AGBL1: variants seen among roughly 807,000 people sequenced by gnomAD.
AGBL1 encodes AGBL carboxypeptidase 1.
A neutral mutation model predicts 118.9 loss-of-function variants in AGBL1; 130 were observed. The observed-to-expected ratio is 1.09, with a 90% CI of 0.95 to 1.26. The LOEUF is 1.26. Ranked by LOEUF, AGBL1 falls within the 50% of genes most tolerant of loss-of-function variation. The pLI is 0.00. For missense variants in AGBL1, 1,584 were observed against 1,298.1 expected, an observed-to-expected ratio of 1.22 and a Z score of -3.38; for synonymous variants, 555 against 478.9, an observed-to-expected ratio of 1.16 and a Z score of -2.08.
chr15:86,253,001 A>G (rs1009198051), intron 7 of AGBL1, among the ~76,000 whole-genome samples: 2 of 152,156 alleles, frequency 1.3e-5, no homozygotes, highest in Admixed American at 6.5e-5. Flanking sequence ...AGACCTGAAT[A>G]GTAAGAAAGA....
intron 22 of AGBL1, among the ~76,000 whole-genome samples, chr15:86,820,163 A>G (rs1011510491): frequency 1.1e-4 from 17 of 152,362 alleles, no homozygotes; most frequent in African/African-American, 4.1e-4. Flanking sequence ...TAAGACTTAA[A>G]CATAAGACTT....
intron 18 of AGBL1, among the ~76,000 whole-genome samples, chr15:86,427,988 C>T (rs926746254): frequency 4.6e-5 from 7 of 152,138 alleles, no homozygotes; most frequent in Admixed American, 6.5e-5. Context: ...ATCTTAAATA[C>T]GTATTCAGGT....
At chr15:86,917,913 TG>T (rs1283968815), downstream of AGBL1, among the ~76,000 whole-genome samples, 2 of 152,136 alleles carry the variant, frequency 1.3e-5, no homozygotes, top group African/African-American at 4.8e-5. This position sits in a 1 kb window ranked among gnomAD's most constrained non-coding sequence, Gnocchi z 4.8. Context: ...CTCTGTTCTG[TG>T]GGATCTCATT....
At chr15:86,732,911 A>T (rs577664419) in intron 22 of AGBL1, among the ~76,000 whole-genome samples, 1 of 150,642 alleles carries the variant, frequency 6.6e-6, no homozygotes, top group East Asian at 1.9e-4. Context: ...CTACAAATAT[A>T]TATATAGATA....
chr15:86,932,621 G>T (rs553329311), intron 23 of AGBL1, among the ~76,000 whole-genome samples: 2 of 152,140 alleles, frequency 1.3e-5, no homozygotes, highest in East Asian at 3.9e-4. Context: ...AGTCAACTCC[G>T]TGAAGCAAGG....
At chr15:86,873,147 C>T (rs2079753724) in intron 22 of AGBL1, among the ~76,000 whole-genome samples, 1 of 152,194 alleles carries the variant, frequency 6.6e-6, no homozygotes, top group South Asian at 2.1e-4. Context: ...TTCATCTCTG[C>T]AGGAGCAATT....
At chr15:86,247,985 T>C in intron 7 of AGBL1, 106 bp downstream of exon 7, 1 of 1,397,308 alleles carries the variant, frequency 7.2e-7, no homozygotes. Context: ...CCTCAGTCTA[T>C]TTCTTGTTGC....
At chr15:86,743,240 A>T (rs975671921) in intron 22 of AGBL1, among the ~76,000 whole-genome samples, 5 of 152,104 alleles carry the variant, frequency 3.3e-5, no homozygotes, top group African/African-American at 1.2e-4. Flanking sequence ...TAAGTGGGCT[A>T]TTGACTTTGC....
intron 23 of AGBL1, among the ~76,000 whole-genome samples, chr15:86,921,681 C>T (rs1400272130): frequency 1.3e-5 from 2 of 152,130 alleles, no homozygotes; most frequent in African/African-American, 2.4e-5. Context: ...CCTAGTGGGA[C>T]AGGAATAGGA....
intron 21 of AGBL1, among the ~76,000 whole-genome samples, chr15:86,581,796 C>A (rs930896323): frequency 2.0e-5 from 3 of 152,012 alleles, no homozygotes; most frequent in African/African-American, 7.3e-5. Context: ...TAGTCTCGGT[C>A]AGGAAATATA....
chr15:86,774,404 C>G (rs562398265), intron 22 of AGBL1, among the ~76,000 whole-genome samples: 2 of 152,178 alleles, frequency 1.3e-5, no homozygotes, highest in South Asian at 4.1e-4. Flanking sequence ...ACAATGGAGT[C>G]TTTAATACAT....
intron 22 of AGBL1, among the ~76,000 whole-genome samples, chr15:86,887,991 G>T (rs1189016955): frequency 6.6e-6 from 1 of 152,162 alleles, no homozygotes; most frequent in East Asian, 1.9e-4. Context: ...ATATAACAAT[G>T]AAGAAGAGGT....
intron 22 of AGBL1, among the ~76,000 whole-genome samples, chr15:86,897,846 T>G (rs1301247878): frequency 7.1e-6 from 1 of 140,928 alleles, no homozygotes; most frequent in African/African-American, 2.6e-5. Context: ...CTCAGCTCAC[T>G]GCAGTTTCGA....
Position 86,636,738 on chromosome 15 carries a change from TATATATATATATATATATATAC to T in AGBL1, c.2995-37533_2995-37512del, listed in dbSNP as rs1177947273. On this transcript the variant is annotated intron_variant, in intron 21 of 22. Coordinates refer to ENST00000614907, the MANE Select transcript of AGBL1 (RefSeq NM_001386094.1). The stretch of plus-strand genomic sequence containing the variant: ...ATATATATATATATATATATATATA[TATATATATATATATATATATAC>T]ACATACATACAGAAAGGCAAGAGAA... Among the ~76,000 whole-genome samples the T allele has an allele frequency of 9.0e-4, 47 of 52,146 alleles. 2 individuals carry two copies. The highest frequency in any genetic ancestry group is 6.5e-3 in the South Asian group (8 of 1,232). 34.2% of individuals were successfully genotyped at this position (52,146 alleles called of 152,430 possible).
At chr15:86,856,595 A>G (rs1483629310) in intron 22 of AGBL1, among the ~76,000 whole-genome samples, 2 of 152,260 alleles carry the variant, frequency 1.3e-5, no homozygotes, top group Non-Finnish European at 2.9e-5. Context: ...AATAAAGTGC[A>G]TTGAGCATCC....
intron 17 of AGBL1, among the ~76,000 whole-genome samples, chr15:86,341,083 C>G (rs1415896165): frequency 6.6e-6 from 1 of 152,182 alleles, no homozygotes; most frequent in East Asian, 1.9e-4. Context: ...CATGCAAAGT[C>G]CAGGTCTCCC....
At chr15:86,309,484 T>G (rs956469401) in intron 17 of AGBL1, among the ~76,000 whole-genome samples, 3 of 152,242 alleles carry the variant, frequency 2.0e-5, no homozygotes, top group African/African-American at 7.2e-5. Context: ...GTCTTACTCC[T>G]GATCTTAGAG....
At chr15:86,816,552 G>C (rs2078860959) in intron 22 of AGBL1, among the ~76,000 whole-genome samples, 4 of 152,154 alleles carry the variant, frequency 2.6e-5, no homozygotes, top group Admixed American at 2.6e-4. Context: ...GAAGGTGACA[G>C]GTAAAAATAG....
chr15:86,655,597 TCCTC>T (rs2085450338), intron 21 of AGBL1, among the ~76,000 whole-genome samples: 1 of 152,158 alleles, frequency 6.6e-6, no homozygotes, highest in African/African-American at 2.4e-5. Flanking sequence ...GGAAAGGACT[TCCTC>T]CCCATCAAAT....
Sources: gnomAD v4.1 joint callset for allele counts (sites outside exome capture counted in the v4.1 genomes callset) on GRCh38, gnomAD v4.1.1 for gene constraint, Gnocchi (gnomAD v3.1) non-coding constraint, MANE v1.5 for transcripts, NCBI Gene and HGNC (gene_info 2026-07-23, HGNC 2026-07-21) for gene names.